The following MCF2L variants were observed in gnomAD, a reference collection of about 807,000 sequenced individuals.
The protein encoded by MCF2L is guanine nucleotide exchange factor DBS.
Under a neutral mutation model 153.4 loss-of-function variants are expected in MCF2L, and 97 were observed. The observed-to-expected ratio is 0.63, with a 90% CI of 0.54 to 0.75. The LOEUF (loss-of-function observed/expected upper bound fraction) is 0.75. MCF2L is among the 30% of genes least tolerant of loss of function. The pLI is 0.00. For synonymous variants in MCF2L, 659 were observed against 632.2 expected (o/e 1.04, Z -0.64); for missense variants, 1,347 against 1,495.2 (o/e 0.90, Z 1.64).
rs1414188061 is a variant in MCF2L, at chr13:113,096,621, C to G, written c.3260C>G (p.Pro1087Arg). Reference protein sequence around the residue: ...PASSLSVRLGPSGSAQCLSSS... With the variant: ...PASSLSVRLGRSGSAQCLSSS... ...AGCAGCCTGTCCGTCCGGCTCGGCCCGTCCGGCTCGGCCCAGTGCCTGAGC... is the reference window on the plus strand; with the variant it reads ...AGCAGCCTGTCCGTCCGGCTCGGCCGGTCCGGCTCGGCCCAGTGCCTGAGC... The change falls in exon 29 of 30, where the codon CCG (proline) becomes CGG (arginine). Residue 1087 changes from proline to arginine, a missense_variant. Pro to Arg is a moderately radical substitution (Grantham distance 103, BLOSUM62 -2). Around this residue, in one of 3 missense-constraint regions of MCF2L, gnomAD observed 383 missense variants for 335.4 expected, o/e 1.14. Transcript: ENST00000535094. The G allele has an allele frequency of 6.3e-7, 1 of 1,595,014 alleles. No individual in the cohort carries two copies. Among genetic ancestry groups the G allele is most frequent in the South Asian group, 1.1e-5 (1 of 89,470 alleles).
rs753497671 is a variant in MCF2L at position 113,024,710 on chromosome 13, C to T, written c.230C>T (p.Pro77Leu). ...GACTACCCGGCCTTCAGCGAGATTC[C>T]GGACAAGGAGTTCCAGAATGTCATG... is the stretch of plus-strand genomic sequence containing the variant. ...FPDYPAFSEIPDKEFQNVMTY... is the reference protein window; with the variant it reads ...FPDYPAFSEILDKEFQNVMTY... Residue 77 changes from proline to leucine, a missense_variant, in exon 3 of 30, where the codon CCG becomes CTG. Pro to Leu is a moderately conservative substitution (Grantham distance 98). Coordinates refer to ENST00000535094, the MANE Select transcript of MCF2L (RefSeq NM_001112732.3). 14 of 1,614,078 alleles carry T rather than the reference C, an allele frequency of 8.7e-6. No individual in the cohort carries two copies. Among genetic ancestry groups the T allele is most frequent in the Middle Eastern group, 1.6e-4 (1 of 6,084 alleles).
intron 3 of MCF2L, among the ~76,000 whole-genome samples, chr13:113,041,574 A>C (rs2086491043): frequency 6.6e-6 from 1 of 151,496 alleles, no homozygotes; most frequent in African/African-American, 2.4e-5. Context: ...ATGGGGGATC[A>C]TGTGGCCCTG....
intron 21 of MCF2L, 143 bp downstream of exon 21, chr13:113,086,392 A>G (rs1745949): frequency 1 from 1,162,836 of 1,166,670 alleles, 579,593 homozygotes; most frequent in East Asian, 1. Context: ...GTCCCTAGAT[A>G]AGCCCACTCC....
chr13:113,065,244 T>C (rs1566832470), intron 7 of MCF2L, 159 bp downstream of exon 7: 1 of 763,866 alleles, frequency 1.3e-6, no homozygotes. Flanking sequence ...AGATGCCTTT[T>C]GATGGCAATT....
chr13:112,968,549 G>C (rs754622333), upstream of MCF2L: 12 of 1,550,252 alleles, frequency 7.7e-6, no homozygotes, highest in African/African-American at 1.4e-5. Flanking sequence ...GCCCCTGCGG[G>C]GAGGGGCTGG....
chr13:113,080,289 G>A (rs1272449404), intron 15 of MCF2L, among the ~76,000 whole-genome samples: 33 of 151,950 alleles, frequency 2.2e-4, no homozygotes, highest in Admixed American at 2.2e-3. Context: ...AGGCAGAGGA[G>A]TGTCCATACG....
At chr13:112,991,016 A>C (rs1246269663) in intron 1 of MCF2L, among the ~76,000 whole-genome samples, 1 of 152,134 alleles carries the variant, frequency 6.6e-6, no homozygotes, top group Non-Finnish European at 1.5e-5. Flanking sequence ...AAAAACAAAG[A>C]AAGCCTGCTC....
chr13:112,955,830 G>C (rs1486601134), intron 2 of MCF2L, among the ~76,000 whole-genome samples: 5 of 152,170 alleles, frequency 3.3e-5, no homozygotes, highest in African/African-American at 1.2e-4. Context: ...TTAAAATACA[G>C]ATATCCAGGA....
intron 26 of MCF2L, among the ~76,000 whole-genome samples, chr13:113,092,326 T>C (rs1019463984): frequency 2.0e-5 from 3 of 152,032 alleles, no homozygotes; most frequent in African/African-American, 7.2e-5. Flanking sequence ...AGTGTGGTGT[T>C]GAAGCCGGGC....
At position 113,045,046 on chromosome 13, in the gene MCF2L, TA is replaced by T; in HGVS notation, c.279-223del. 9.1e-7 allele frequency: 1 copy of T among 1,100,168 alleles called. No homozygotes were observed. The highest frequency in any genetic ancestry group is 2.6e-5 in the East Asian group (1 of 38,610). 68.2% of individuals were successfully genotyped at this position (1,100,168 alleles called of 1,614,324 possible). A position where few individuals can be genotyped will look rare whatever the true frequency, so the allele number is the denominator to read the frequency against. ...AGGTGGTTGGTGTTAGGCTGAGAAATAAGAACACACCAAAAGTGCCTGCCCT... is the reference window on the plus strand; with the variant it reads ...AGGTGGTTGGTGTTAGGCTGAGAAATAGAACACACCAAAAGTGCCTGCCCT... On this transcript the variant is annotated intron_variant, in intron 3 of 29. Coordinates refer to ENST00000535094, the MANE Select transcript of MCF2L (RefSeq NM_001112732.3). This position sits in a 1 kb window ranked among gnomAD's most constrained non-coding sequence, Gnocchi z 4.2.
At chr13:112,927,218 T>C (rs950311576) in intron 2 of MCF2L, among the ~76,000 whole-genome samples, 1 of 152,216 alleles carries the variant, frequency 6.6e-6, no homozygotes, top group African/African-American at 2.4e-5. Context: ...ATAGACACGT[T>C]TGCCCTTTGA....
rs2141829149 is a variant in MCF2L at position 113,064,682 on chromosome 13, C to G, written c.607-254C>G. On this transcript the variant is annotated intron_variant, in intron 6 of 29. Coordinates refer to ENST00000535094, the MANE Select transcript of MCF2L (RefSeq NM_001112732.3). This position sits in a 1 kb window ranked among gnomAD's most constrained non-coding sequence, Gnocchi z 6.0. ...CTTGCGTTGTGGTTTGCAACACTCA[C>G]TGCTCTCAACGGGGAGAGGCAGCGC... 1.7e-6 allele frequency: 1 copy of G among 582,988 alleles called. No individual in the cohort carries two copies. Among genetic ancestry groups the G allele is most frequent in the Non-Finnish European group, 3.0e-6 (1 of 329,044 alleles). The allele number at this position is 582,988 out of a possible 1,614,324, so 36.1% of individuals were successfully genotyped here. A position where few individuals can be genotyped will look rare whatever the true frequency, so the allele number is the denominator to read the frequency against.
At chr13:113,058,316 G>A (rs569812961) in intron 4 of MCF2L, among the ~76,000 whole-genome samples, 1 of 147,144 alleles carries the variant, frequency 6.8e-6, no homozygotes, top group African/African-American at 2.5e-5. Context: ...GAGTGTTCGG[G>A]CACTTTGTGT....
rs926300351 is a variant in MCF2L at position 112,960,063 on chromosome 13, C to T, written c.170-54700C>T. ...CCCTCGGTAACTTCAGGGCAGAGGC[C>T]TTCTGTCCCGGACGCCTGCCCTCAG... On this transcript the variant is annotated intron_variant, in intron 2 of 29. Coordinates refer to the MCF2L transcript ENST00000375608. This position sits in a 1 kb window ranked among gnomAD's most constrained non-coding sequence, Gnocchi z 4.2. Among the ~76,000 whole-genome samples the T allele has an allele frequency of 6.6e-6, 1 of 152,252 alleles. No individual in the cohort carries two copies. The highest frequency in any genetic ancestry group is 1.5e-5 in the Non-Finnish European group (1 of 68,044).
chr13:113,027,745 A>G lies in MCF2L; in HGVS notation c.278+2987A>G, dbSNP rs2085402741. On this transcript the variant is annotated intron_variant, in intron 3 of 29. Transcript: ENST00000535094. This position sits in a 1 kb window ranked among gnomAD's most constrained non-coding sequence, Gnocchi z 4.8. ...CTCAGCCACACTGTGGCAGGAAGGC[A>G]GTTATTAAGCCCATGTTATAGATGA... Among the ~76,000 whole-genome samples, 1 of 152,188 alleles carries G rather than the reference A, an allele frequency of 6.6e-6. No homozygotes were observed. The highest frequency in any genetic ancestry group is 1.5e-5 in the Non-Finnish European group (1 of 68,022).
chr13:112,979,496 C>A, intron 1 of MCF2L: 1 of 1,443,592 alleles, frequency 6.9e-7, no homozygotes, highest in Non-Finnish European at 9.1e-7. Flanking sequence ...CCCAGAGTCA[C>A]CAGGGTCCTG....
chr13:113,032,052 G>T (rs560321683), intron 3 of MCF2L, among the ~76,000 whole-genome samples: 1 of 152,200 alleles, frequency 6.6e-6, no homozygotes, highest in East Asian at 1.9e-4. Flanking sequence ...GGTGTATGGG[G>T]AGGGTGCATG....
At chr13:113,033,314 G>A (rs74839790) in intron 3 of MCF2L, among the ~76,000 whole-genome samples, 2 of 117,988 alleles carry the variant, frequency 1.7e-5, no homozygotes, top group Non-Finnish European at 3.5e-5. Flanking sequence ...GGCGTGAGTG[G>A]CCCCTGTGGC....
chr13:113,045,210 T>C lies in MCF2L; in HGVS notation c.279-61T>C. 2 of 1,346,954 alleles carry C rather than the reference T, an allele frequency of 1.5e-6. No individual in the cohort carries two copies. Among genetic ancestry groups the C allele is most frequent in the Non-Finnish European group, 2.1e-6 (2 of 936,926 alleles). The allele number at this position is 1,346,954 out of a possible 1,614,324, so 83.4% of individuals were successfully genotyped here. A position where few individuals can be genotyped will look rare whatever the true frequency, so the allele number is the denominator to read the frequency against. On this transcript the variant is annotated intron_variant, in intron 3 of 29. Coordinates refer to ENST00000535094, the MANE Select transcript of MCF2L (RefSeq NM_001112732.3). This position sits in a 1 kb window ranked among gnomAD's most constrained non-coding sequence, Gnocchi z 4.2. ...TCTCCCAAGAGGTTTTCTGAGGGAT[T>C]TCGTGGGCAGCCGGCTTCCCACCTG... is the stretch of plus-strand genomic sequence containing the variant.
Sources: gnomAD v4.1 joint callset for allele counts (sites outside exome capture counted in the v4.1 genomes callset) on GRCh38, gnomAD v4.1.1 for gene constraint, gnomAD v4.1.1 regional missense constraint, Gnocchi (gnomAD v3.1) non-coding constraint, MANE v1.5 for transcripts, NCBI Gene and HGNC (gene_info 2026-07-23, HGNC 2026-07-21) for gene names.